The following WNK1 variants were observed in gnomAD, a reference collection of about 807,000 sequenced individuals.
WNK1 encodes serine/threonine-protein kinase WNK1.
In WNK1, 38 loss-of-function variants were observed where a neutral mutation model predicts 222.8. The observed-to-expected ratio is 0.17, with a 90% CI of 0.13 to 0.22. WNK1 has a LOEUF of 0.22. Ranked by LOEUF, WNK1 falls within the 10% of genes least tolerant of loss-of-function variation. WNK1 has a pLI of 1.00. For synonymous variants in WNK1, 1,090 were observed against 1,092.9 expected (o/e 1.00, Z 0.05); for missense variants, 2,348 against 2,918.4 (o/e 0.80, Z 4.50).
chr12:870,691 C>T (rs1952067430), intron 8 of WNK1, among the ~76,000 whole-genome samples: 1 of 152,154 alleles, frequency 6.6e-6, no homozygotes. Context: ...TAGCAGCAAT[C>T]TCCCTCAGTT....
chr12:901,268 A>G (rs972468417), intron 26 of WNK1, among the ~76,000 whole-genome samples: 1 of 152,236 alleles, frequency 6.6e-6, no homozygotes, highest in African/African-American at 2.4e-5. Flanking sequence ...CCTTTGCCAC[A>G]GTTTCACAGA....
intron 4 of WNK1, among the ~76,000 whole-genome samples, chr12:834,067 T>C (rs1038866717): frequency 1.3e-5 from 2 of 152,164 alleles, no homozygotes; most frequent in African/African-American, 4.8e-5. Flanking sequence ...AAAGAGCTGT[T>C]GTATGAACTG....
chr12:830,258 A>G, intron 4 of WNK1, 98 bp downstream of exon 4: 1 of 1,376,752 alleles, frequency 7.3e-7, no homozygotes. Flanking sequence ...ACAATAGTGG[A>G]AGGCATACTG....
Position 886,021 on chromosome 12 carries a change from C to A in WNK1, c.5217C>A (p.Ser1739Arg). 1 of 1,596,918 alleles carries A rather than the reference C, an allele frequency of 6.3e-7. No individual in the cohort carries two copies. Residue 1739 changes from serine to arginine, a missense_variant, in exon 19 of 28, where the codon AGC becomes AGA. Coordinates refer to ENST00000315939, the MANE Select transcript of WNK1 (RefSeq NM_018979.4). ...CTGGGCAAGTTTCTACCCCAGTCAG[C>A]ACTACTACATCAGGAGTGAAACCTG... ...VTPGQVSTPV[S>R]TTTSGVKPGT... is the part of the protein sequence containing the mutation.
chr12:873,622 T>G (rs1396788412), intron 9 of WNK1, among the ~76,000 whole-genome samples: 5 of 152,234 alleles, frequency 3.3e-5, no homozygotes, highest in Admixed American at 3.3e-4. Context: ...TCTTCCATTT[T>G]AAATAAAGTT....
chr12:862,053 CTT>C, intron 7 of WNK1, 28 bp from the exon 8 acceptor site: 1 of 1,608,614 alleles, frequency 6.2e-7, no homozygotes, highest in Non-Finnish European at 8.5e-7. Context: ...TTCTCTCTCT[CTT>C]TTTTTTGGCG....
At chr12:794,844 T>G (rs751639667) in intron 1 of WNK1, among the ~76,000 whole-genome samples, 3 of 152,206 alleles carry the variant, frequency 2.0e-5, no homozygotes, top group Non-Finnish European at 4.4e-5. Context: ...CTCAAACTCC[T>G]GAGCTCAAGC....
At chr12:857,011 T>C (rs1185792524) in intron 4 of WNK1, 150 bp from the exon 5 acceptor site, 5 of 757,630 alleles carry the variant, frequency 6.6e-6, no homozygotes, top group Non-Finnish European at 1.2e-5. Flanking sequence ...ACTACCCAAC[T>C]GTGACACTGC....
At chr12:807,535 A>T (rs1156573566) in intron 1 of WNK1, among the ~76,000 whole-genome samples, 2 of 151,912 alleles carry the variant, frequency 1.3e-5, no homozygotes, top group African/African-American at 2.4e-5. Flanking sequence ...ATGACCCACT[A>T]AGTTTCAGTG....
Position 878,338 on chromosome 12 carries a change from C to T in WNK1, c.2350C>T (p.Pro784Ser), listed in dbSNP as rs1179248663. The T allele has an allele frequency of 1.9e-6, 3 of 1,613,690 alleles. No individual in the cohort carries two copies. Among genetic ancestry groups the T allele is most frequent in the Admixed American group, 1.7e-5 (1 of 59,944 alleles). ...VSQPQAPQVLPQVSAGKQLPV... is the reference protein window; with the variant it reads ...VSQPQAPQVLSQVSAGKQLPV... ...TCAGCCTCAAGCTCCACAAGTCTTG[C>T]CTCAAGTATCAGCTGGAAAACAGGT... Residue 784 changes from proline (P) to serine (S), a missense_variant, in exon 10 of 28, where the codon CCT becomes TCT. Pro to Ser is a moderately conservative substitution (Grantham distance 74). Coordinates refer to ENST00000315939, the MANE Select transcript of WNK1 (RefSeq NM_018979.4).
rs1270442943 is a variant in WNK1, at chr12:884,105, G to A, written c.3722-16G>A. 8 of 1,614,026 alleles carry A rather than the reference G, an allele frequency of 5.0e-6. No homozygotes were observed. The highest frequency in any genetic ancestry group is 1.6e-4 in the Middle Eastern group (1 of 6,062). ...TAATGCTATTAAGTTACGTTTGTTT[G>A]TTTGTTTTTGACCAGGCATTCCTAC... On this transcript the variant is annotated splice_polypyrimidine_tract_variant and intron_variant, in intron 17 of 27. Transcript: ENST00000315939. This position sits in a 1 kb window ranked among gnomAD's most constrained non-coding sequence, Gnocchi z 5.6.
intron 1 of WNK1, among the ~76,000 whole-genome samples, chr12:812,284 C>G (rs1447085085): frequency 1.3e-5 from 2 of 152,060 alleles, no homozygotes; most frequent in African/African-American, 4.8e-5. Context: ...GAAATGCTAA[C>G]TGCTTATTAA....
rs188810298 is a variant in WNK1 at position 894,195 on chromosome 12, C to T, written c.5510-367C>T. 2.7e-3 allele frequency among the ~76,000 whole-genome samples: 410 copies of T among 152,232 alleles called. 1 individual carries two copies. The highest frequency in any genetic ancestry group is 6.8e-3 in the Middle Eastern group (2 of 294). ...ATCGCACCACTGCACTCCAGCCTGG[C>T]CAACAGAGCGAAACTCCATCTCAAT... is the stretch of plus-strand genomic sequence containing the variant. On this transcript the variant is annotated intron_variant, in intron 22 of 27. Coordinates refer to ENST00000315939, the MANE Select transcript of WNK1 (RefSeq NM_018979.4).
At chr12:773,460 A>AT (rs1942767765) in intron 1 of WNK1, among the ~76,000 whole-genome samples, 1 of 152,208 alleles carries the variant, frequency 6.6e-6, no homozygotes, top group Admixed American at 6.5e-5. Context: ...TTTAAAAGGA[A>AT]CTACTTCCCA....
chr12:821,448 C>T (rs937257656), intron 2 of WNK1, among the ~76,000 whole-genome samples: 5 of 152,164 alleles, frequency 3.3e-5, no homozygotes, highest in Non-Finnish European at 5.9e-5. Context: ...GCCATCCAGT[C>T]CTAGACTTTT....
intron 4 of WNK1, among the ~76,000 whole-genome samples, chr12:845,532 G>A (rs1002408030): frequency 2.6e-5 from 4 of 152,190 alleles, no homozygotes; most frequent in African/African-American, 9.6e-5. Context: ...TGCCTTTTCA[G>A]GTGGAAGAAA....
intron 1 of WNK1, among the ~76,000 whole-genome samples, chr12:769,698 G>A (rs1054513725): frequency 3.3e-5 from 5 of 152,136 alleles, no homozygotes; most frequent in Non-Finnish European, 5.9e-5. Flanking sequence ...CGGCTACTGG[G>A]CCTGTTTTCG....
Position 908,763 on chromosome 12 carries a change from C to G in WNK1, c.7120C>G (p.Pro2374Ala). Residue 2374 changes from proline to alanine, a missense_variant, in exon 28 of 28, where the codon CCC (proline) becomes GCC (alanine). Around this residue, in one of 13 missense-constraint regions of WNK1, gnomAD observed 76 missense variants for 85.7 expected, o/e 0.89. Transcript: ENST00000315939. Reference sequence around the variant, plus strand: ...CAATTTGCAGAAATCCATCAGCAACCCCCCAGGCTCCAACCTGCGGACCAC... The same window carrying G: ...CAATTTGCAGAAATCCATCAGCAACGCCCCAGGCTCCAACCTGCGGACCAC... ...ISNLQKSISNPPGSNLRTT is the reference protein window; with the variant it reads ...ISNLQKSISNAPGSNLRTT 1 of 1,613,818 alleles carries G rather than the reference C, an allele frequency of 6.2e-7. No individual in the cohort carries two copies. Among genetic ancestry groups the G allele is most frequent in the Non-Finnish European group, 8.5e-7 (1 of 1,179,956 alleles).
chr12:832,112 G>T (rs925378917), intron 4 of WNK1, among the ~76,000 whole-genome samples: 1 of 152,058 alleles, frequency 6.6e-6, no homozygotes, highest in African/African-American at 2.4e-5. Context: ...GTCTCGCTCT[G>T]TCGCCCAGGC....
Sources: allele counts gnomAD v4.1 joint callset (sites outside exome capture counted in the v4.1 genomes callset), GRCh38; gene constraint gnomAD v4.1.1; regional missense constraint gnomAD v4.1.1; non-coding constraint Gnocchi (gnomAD v3.1); transcripts MANE v1.5; gene names NCBI Gene and HGNC (gene_info 2026-07-23, HGNC 2026-07-21).